The following THBS4 variants were observed in gnomAD, a reference collection of about 807,000 sequenced individuals.
THBS4 encodes thrombospondin-4.
Under a neutral mutation model 115.7 loss-of-function variants are expected in THBS4, and 90 were observed. The ratio of observed to expected loss-of-function variants is 0.78; its 90% CI spans 0.66 to 0.93. The LOEUF (loss-of-function observed/expected upper bound fraction) is 0.93, where lower values mean the gene tolerates loss of function less well. THBS4 is among the 40% of genes least tolerant of loss of function. The pLI is 0.00. For synonymous variants in THBS4, 460 were observed against 479.3 expected, an observed-to-expected ratio of 0.96 and a Z score of 0.53; for missense variants, 1,087 against 1,232.7, an observed-to-expected ratio of 0.88 and a Z score of 1.77.
At chr5:80,066,476 A>C (rs1197100993) in intron 9 of THBS4, 2 of 152,138 alleles carry the variant, frequency 1.3e-5, no homozygotes, top group Non-Finnish European at 2.9e-5. Flanking sequence ...ATGGTGGAGC[A>C]TGCCTATAGT....
intron 2 of THBS4, among the ~76,000 whole-genome samples, chr5:80,055,220 G>T (rs1234150580): frequency 6.6e-6 from 1 of 151,956 alleles, no homozygotes; most frequent in Non-Finnish European, 1.5e-5. Context: ...TACTTAGGAG[G>T]CTAAGACAGA....
At chr5:80,069,098 C>T (rs1448684585) in intron 10 of THBS4, among the ~76,000 whole-genome samples, 1 of 152,206 alleles carries the variant, frequency 6.6e-6, no homozygotes, top group Admixed American at 6.5e-5. Context: ...GATGCCAGGC[C>T]CTCGGCCGGT....
intron 2 of THBS4, among the ~76,000 whole-genome samples, chr5:80,000,681 A>G (rs1561288749): frequency 6.6e-6 from 1 of 152,210 alleles, no homozygotes; most frequent in Middle Eastern, 3.2e-3. Context: ...ATTCAAGGTT[A>G]ATCATAGCGC....
At chr5:80,003,732 C>CA (rs1268059218) in intron 2 of THBS4, among the ~76,000 whole-genome samples, 1 of 152,234 alleles carries the variant, frequency 6.6e-6, no homozygotes, top group Non-Finnish European at 1.5e-5. Flanking sequence ...TCGCCAAATT[C>CA]AAAATGAAAT....
chr5:79,999,553 G>A (rs1209146329), intron 2 of THBS4, among the ~76,000 whole-genome samples: 1 of 152,070 alleles, frequency 6.6e-6, no homozygotes, highest in Non-Finnish European at 1.5e-5. Context: ...TTGTTTATAG[G>A]GAGTTATATT....
intron 20 of THBS4, among the ~76,000 whole-genome samples, chr5:80,080,479 A>G (rs1466946489): frequency 7.3e-6 from 1 of 137,808 alleles, no homozygotes; most frequent in Admixed American, 7.4e-5. Context: ...GCCCTGTGTA[A>G]TCACTTACTA....
intron 19 of THBS4, 133 bp downstream of exon 19, chr5:80,079,391 G>A: frequency 2.0e-6 from 2 of 990,800 alleles, no homozygotes; most frequent in South Asian, 3.6e-5. Context: ...TTAGAGTCAG[G>A]GAAGACTACA....
At chr5:80,058,920 C>G (rs562681247) in intron 5 of THBS4, 130 bp downstream of exon 5, 7 of 805,462 alleles carry the variant, frequency 8.7e-6, no homozygotes, top group Non-Finnish European at 1.4e-5. Flanking sequence ...GCCCACGCAG[C>G]CCCGCACGCC....
chr5:80,006,029 T>A (rs1405877216), intron 2 of THBS4, among the ~76,000 whole-genome samples: 2 of 152,170 alleles, frequency 1.3e-5, no homozygotes, highest in Non-Finnish European at 2.9e-5. Context: ...CCTCCCAAAG[T>A]ACTGGGATTA....
intron 2 of THBS4, among the ~76,000 whole-genome samples, chr5:80,041,733 A>G (rs1230191538): frequency 6.6e-6 from 1 of 152,246 alleles, no homozygotes; most frequent in East Asian, 1.9e-4. Context: ...CCCGGGGGAC[A>G]ACACCTGTTC....
At chr5:79,992,188 CTATT>C (rs1432882859) in intron 1 of THBS4, among the ~76,000 whole-genome samples, 4 of 152,154 alleles carry the variant, frequency 2.6e-5, no homozygotes, top group Non-Finnish European at 5.9e-5. Flanking sequence ...CTCAGAAAAA[CTATT>C]AAAGAGGAAA....
At chr5:80,023,902 C>T (rs1038924875) in intron 2 of THBS4, among the ~76,000 whole-genome samples, 2 of 152,100 alleles carry the variant, frequency 1.3e-5, no homozygotes, top group Non-Finnish European at 2.9e-5. Flanking sequence ...AGAGTAAGAA[C>T]TCGCTCACCT....
intron 1 of THBS4, among the ~76,000 whole-genome samples, chr5:79,995,816 GA>G (rs1831780763): frequency 6.6e-6 from 1 of 151,926 alleles, no homozygotes; most frequent in South Asian, 2.1e-4. Flanking sequence ...GTGCCTGAGA[GA>G]AAGAGATTGG....
chr5:79,993,328 T>C (rs894197203), intron 1 of THBS4, among the ~76,000 whole-genome samples: 2 of 152,228 alleles, frequency 1.3e-5, no homozygotes, highest in African/African-American at 2.4e-5. Flanking sequence ...ATCTGTTAGA[T>C]TGAATTTAAA....
intron 2 of THBS4, among the ~76,000 whole-genome samples, chr5:80,000,660 C>T (rs1273052932): frequency 6.6e-6 from 1 of 152,062 alleles, no homozygotes; most frequent in African/African-American, 2.4e-5. Context: ...ATTAAGTGAC[C>T]TTCAACTTTC....
In THBS4 at chr5:80,059,848, T is replaced by C. The variant is rs1445139227; in HGVS notation, c.930T>C (p.Cys310=). ...QCTDSRDGFQ[C]GPCPEGYTGN... ...CCGACAGTAGAGATGGCTTCCAGTG[T>C]GGGCCCTGCCCCGAGGGCTACACAG... Residue 310 remains cysteine, a synonymous_variant, in exon 7 of 22, where the codon TGT becomes TGC. Transcript: ENST00000350881. 1.2e-6 allele frequency: 2 copies of C among 1,614,128 alleles called. No individual in the cohort carries two copies. The highest frequency in any genetic ancestry group is 4.5e-5 in the East Asian group (2 of 44,872).
At chr5:79,992,270 G>T (rs1831694949) in intron 1 of THBS4, among the ~76,000 whole-genome samples, 2 of 152,136 alleles carry the variant, frequency 1.3e-5, no homozygotes, top group East Asian at 1.9e-4. Context: ...TGGGTGCTGG[G>T]TCTTTTTTCT....
Position 80,061,847 on chromosome 5 carries a change from T to C in THBS4, c.1125+15T>C, listed in dbSNP as rs1833649956. The C allele has an allele frequency of 6.2e-7, 1 of 1,601,320 alleles. No homozygotes were observed. Among genetic ancestry groups the C allele is most frequent in the African/African-American group, 1.3e-5 (1 of 74,368 alleles). Reference sequence around the variant, plus strand: ...CAAACAAGCAGGTAGGCTGAAGTCATGGTTTCTATTCATTTCTCATCTTAA... The same window carrying C: ...CAAACAAGCAGGTAGGCTGAAGTCACGGTTTCTATTCATTTCTCATCTTAA... On this transcript the variant is annotated intron_variant, in intron 8 of 21. Transcript: ENST00000350881.
intron 2 of THBS4, among the ~76,000 whole-genome samples, chr5:80,050,946 G>A (rs1308487883): frequency 6.6e-6 from 1 of 152,204 alleles, no homozygotes; most frequent in African/African-American, 2.4e-5. Context: ...GCCAGGCAGA[G>A]GTGTGGTCGA....
Sources: gnomAD v4.1 joint callset for allele counts (sites outside exome capture counted in the v4.1 genomes callset) on GRCh38, gnomAD v4.1.1 for gene constraint, MANE v1.5 for transcripts, NCBI Gene and HGNC (gene_info 2026-07-23, HGNC 2026-07-21) for gene names.